The following GCC2 variants were observed in gnomAD, a reference collection of about 807,000 sequenced individuals.
The protein encoded by GCC2 is GRIP and coiled-coil domain-containing protein 2.
GCC2 carries 120 observed loss-of-function variants against 210.6 expected under a neutral mutation model. That is an observed-to-expected ratio of 0.57 (90% confidence interval 0.49 to 0.66). GCC2 has a LOEUF of 0.66. Among genes scored for constraint, GCC2 ranks in the 30% least tolerant of loss-of-function variants. The pLI is 0.00. For missense variants in GCC2, 1,868 were observed against 1,871.9 expected (o/e 1.00, Z 0.04); for synonymous variants, 703 against 652.7 (o/e 1.08, Z -1.17).
chr2:108,502,312 A>G (rs1315126771), intron 22 of GCC2, among the ~76,000 whole-genome samples: 1 of 152,174 alleles, frequency 6.6e-6, no homozygotes, highest in African/African-American at 2.4e-5. Context: ...TTTAATGTAG[A>G]TGTTGCTAAC....
chr2:108,492,502 C>G, intron 18 of GCC2, 71 bp from the exon 19 acceptor site: 1 of 948,220 alleles, frequency 1.1e-6, no homozygotes, highest in South Asian at 1.4e-5. Context: ...TCTTGCAGAA[C>G]CCAGTTGAGA....
chr2:108,503,466 A>C (rs1683029389), intron 22 of GCC2, among the ~76,000 whole-genome samples: 2 of 152,238 alleles, frequency 1.3e-5, no homozygotes, highest in Non-Finnish European at 2.9e-5. Context: ...AGATGCAAGA[A>C]AGAAAGACAT....
At chr2:108,459,534 T>C (rs1214996564) in intron 4 of GCC2, among the ~76,000 whole-genome samples, 1 of 152,068 alleles carries the variant, frequency 6.6e-6, no homozygotes, top group Admixed American at 6.6e-5. Flanking sequence ...GCAATGTTTC[T>C]TTGTTAATTT....
chr2:108,483,324 A>G (rs564696253), intron 12 of GCC2, among the ~76,000 whole-genome samples, 158 bp downstream of exon 12: 1 of 152,218 alleles, frequency 6.6e-6, no homozygotes, highest in South Asian at 2.1e-4. Flanking sequence ...CCCGAGTTCA[A>G]GCAGTTCTTG....
intron 17 of GCC2, 65 bp downstream of exon 17, chr2:108,487,885 G>C: frequency 2.0e-6 from 2 of 980,494 alleles, no homozygotes; most frequent in Admixed American, 2.5e-5. Context: ...CAAGTAGATT[G>C]AAAATCCTAT....
Position 108,470,985 on chromosome 2 carries a change from A to G in GCC2, c.1656A>G (p.Glu552=). 1.2e-6 allele frequency: 2 copies of G among 1,613,150 alleles called. No individual in the cohort carries two copies. The highest frequency in any genetic ancestry group is 1.7e-6 in the Non-Finnish European group (2 of 1,179,364). ...ATGAAAAGTTACTATCTCAACAAGA[A>G]TTGGTACCAGAACTTGAAAATACCA... ...GENEKLLSQQ[E]LVPELENTIK... The change falls in exon 6 of 23, where the codon GAA becomes GAG. Residue 552 remains glutamate, a synonymous_variant. Transcript: ENST00000309863.
intron 11 of GCC2, among the ~76,000 whole-genome samples, chr2:108,482,666 G>C (rs752661700): frequency 6.6e-6 from 1 of 152,024 alleles, no homozygotes; most frequent in African/African-American, 2.4e-5. Context: ...GTATTTTAGC[G>C]TGTCAGATTT....
rs1681858891 is a variant in GCC2 at position 108,481,697 on chromosome 2, A to G, written c.3061A>G (p.Asn1021Asp). ...DLIQGAESYK[N>D]LLLEYEKQSE... ...AAGTTAAATCCTTCTTTTATTGAAG[A>G]ATCTTTTATTAGAATATGAAAAGCA... Residue 1021 changes from asparagine (N) to aspartate (D), a missense_variant and splice_region_variant, in exon 10 of 23, where the codon AAT becomes GAT. Asn to Asp is a conservative substitution (Grantham distance 23, BLOSUM62 1). Transcript: ENST00000309863. 6.3e-7 allele frequency: 1 copy of G among 1,579,532 alleles called. No homozygotes were observed. Among genetic ancestry groups the G allele is most frequent in the Non-Finnish European group, 8.6e-7 (1 of 1,167,654 alleles).
At chr2:108,479,978 CTCAAAAAAAAAA>C (rs1558747404) in intron 9 of GCC2, among the ~76,000 whole-genome samples, 1 of 90,950 alleles carries the variant, frequency 1.1e-5, no homozygotes. Flanking sequence ...GAGACTCCAT[CTCAAAAAAAAAA>C]AAAAAAAAAA....
intron 4 of GCC2, among the ~76,000 whole-genome samples, chr2:108,465,548 G>A (rs996699799): frequency 1.3e-5 from 2 of 152,040 alleles, no homozygotes; most frequent in South Asian, 2.1e-4. Flanking sequence ...ATATCACTCT[G>A]TATGGCTTTG....
chr2:108,500,243 G>A (rs2438255), intron 22 of GCC2, among the ~76,000 whole-genome samples: 28,817 of 151,990 alleles, frequency 0.19, 3,083 homozygotes, highest in African/African-American at 0.27. Flanking sequence ...GCCAGGTGCC[G>A]GTGGTTCACG....
At chr2:108,491,876 G>C (rs573524104) in intron 18 of GCC2, among the ~76,000 whole-genome samples, 1 of 151,976 alleles carries the variant, frequency 6.6e-6, no homozygotes, top group South Asian at 2.1e-4. Context: ...CCACTGGTTA[G>C]TTTCAGGCTG....
At chr2:108,485,328 A>G (rs907268080) in intron 13 of GCC2, among the ~76,000 whole-genome samples, 7 of 152,020 alleles carry the variant, frequency 4.6e-5, no homozygotes, top group African/African-American at 1.7e-4. Context: ...TAATTAAAAA[A>G]AAAAAAGAAA....
chr2:108,507,131 G>A (rs952426257), intron 22 of GCC2, among the ~76,000 whole-genome samples: 33 of 152,140 alleles, frequency 2.2e-4, no homozygotes, highest in African/African-American at 6.7e-4. Flanking sequence ...ACAGTGGCTC[G>A]TGACTGTAAT....
rs766740796 is a variant in GCC2, at chr2:108,462,084, G to A, written c.217-6896G>A. Among the ~76,000 whole-genome samples, 240 of 147,564 alleles carry A rather than the reference G, an allele frequency of 1.6e-3. 1 individual carries two copies. Among genetic ancestry groups the A allele is most frequent in the Non-Finnish European group, 2.4e-3 (157 of 66,800 alleles). On this transcript the variant is annotated intron_variant, in intron 4 of 22. Coordinates refer to ENST00000309863, the MANE Select transcript of GCC2 (RefSeq NM_181453.4). ...GATCTCCTGACCTCGTGATCCGCCC[G>A]CCTCGGCCTCCCAAAGTGCTGGGAT...
At chr2:108,498,709 C>A (rs1043398720) in intron 21 of GCC2, among the ~76,000 whole-genome samples, 7 of 152,222 alleles carry the variant, frequency 4.6e-5, no homozygotes, top group Middle Eastern at 3.4e-3. Context: ...CATTCTTTGC[C>A]TCATTTTTCT....
At position 108,472,882 on chromosome 2, in the gene GCC2, A is replaced by T; in HGVS notation, c.2843A>T (p.Glu948Val). 1 of 1,583,804 alleles carries T rather than the reference A, an allele frequency of 6.3e-7. No homozygotes were observed. The highest frequency in any genetic ancestry group is 1.1e-5 in the South Asian group (1 of 87,510). Residue 948 changes from glutamate to valine, a missense_variant, in exon 7 of 23, where the codon GAG becomes GTG. Physicochemically the swap from Glu to Val is moderately radical, Grantham distance 121. Coordinates refer to ENST00000309863, the MANE Select transcript of GCC2 (RefSeq NM_181453.4). Reference sequence around the variant, plus strand: ...AATGATCCTCTGTCTTCAGTAAAAGAGTTGGAAGAAAAAATAGGTAACTAT... The same window carrying T: ...AATGATCCTCTGTCTTCAGTAAAAGTGTTGGAAGAAAAAATAGGTAACTAT... Reference protein sequence around the residue: ...VKNDPLSSVKELEEKIENLEK... With the variant: ...VKNDPLSSVKVLEEKIENLEK...
At chr2:108,493,879 C>G in intron 19 of GCC2, 5 of 985,162 alleles carry the variant, frequency 5.1e-6, no homozygotes, top group Non-Finnish European at 6.0e-6. Flanking sequence ...ACCAGAAACC[C>G]AGGAAAAAGC....
chr2:108,487,650 A>G (rs1172131145), intron 16 of GCC2, 49 bp from the exon 17 acceptor site: 2 of 1,499,674 alleles, frequency 1.3e-6, no homozygotes, highest in Non-Finnish European at 1.8e-6. Context: ...AAGAAAATAG[A>G]AGGACCCTGT....
Sources: allele counts gnomAD v4.1 joint callset (sites outside exome capture counted in the v4.1 genomes callset), GRCh38; gene constraint gnomAD v4.1.1; transcripts MANE v1.5; gene names NCBI Gene and HGNC (gene_info 2026-07-23, HGNC 2026-07-21).